The following TYK2 variants were observed in gnomAD, a reference collection of about 807,000 sequenced individuals.
TYK2 encodes tyrosine kinase 2.
A neutral mutation model predicts 130.9 loss-of-function variants in TYK2; 65 were observed. The observed-to-expected ratio is 0.50, with a 90% CI of 0.41 to 0.61. The LOEUF is 0.61. Ranked by LOEUF, TYK2 falls within the 20% of genes least tolerant of loss-of-function variation. The probability of loss-of-function intolerance (pLI) is 0.00; values close to 1 mark genes in which losing one functional copy is unlikely to be tolerated. For synonymous variants in TYK2, 647 were observed against 658.9 expected (o/e 0.98, Z 0.28); for missense variants, 1,378 against 1,610.7 (o/e 0.86, Z 2.47).
Position 10,361,957 on chromosome 19 carries a change from T to G in TYK2, c.1774-2A>C. The G allele has an allele frequency of 6.2e-7, 1 of 1,614,004 alleles. No individual in the cohort carries two copies. Among genetic ancestry groups the G allele is most frequent in the Non-Finnish European group, 8.5e-7 (1 of 1,179,992 alleles). ...TGTGCCCTGGCCCAAGTGGGACAGC[T>G]GCGGGATCATGTGGCACAGAATACC... On this transcript the variant is annotated splice_acceptor_variant, in intron 12 of 24. Transcript: ENST00000525621. LOFTEE classifies it high-confidence loss of function. This position sits in a 1 kb window ranked among gnomAD's most constrained non-coding sequence, Gnocchi z 4.0.
rs12720355 is a variant in TYK2 at position 10,361,776 on chromosome 19, G to A, written c.1953C>T (p.Ile651=). Reference sequence around the variant, plus strand: ...CCTGGCCCTGCCCACTCACCAGGGCGATGTCATGGTGACTAGGGTCCAGCA... The same window carrying A: ...CCTGGCCCTGCCCACTCACCAGGGCAATGTCATGGTGACTAGGGTCCAGCA... ...LKVLDPSHHD[I]ALAFYETASL... Residue 651 remains isoleucine, a synonymous_variant, in exon 13 of 25, where the codon ATC becomes ATT. Coordinates refer to ENST00000525621, the MANE Select transcript of TYK2 (RefSeq NM_003331.5). The surrounding 1 kb of genome is among the most constrained non-coding windows in gnomAD (Gnocchi z 4.0). 0.014 allele frequency: 21,912 copies of A among 1,612,786 alleles called. 179 individuals carry two copies. Among genetic ancestry groups the A allele is most frequent in the Non-Finnish European group, 0.016 (19,143 of 1,179,766 alleles).
chr19:10,362,729 C>T (rs1599346355), intron 9 of TYK2, 72 bp from the exon 10 acceptor site: 1 of 1,299,084 alleles, frequency 7.7e-7, no homozygotes, highest in East Asian at 2.5e-5. Context: ...AACAATGACA[C>T]TCATTACCTA....
rs564063519 is a variant in TYK2, at chr19:10,364,036, G to A, written c.1367+578C>T. ...ATGACATAAGTACCGACAACTTCAC[G>A]CCCTCAGGCCCACAAGTCACACACA... On this transcript the variant is annotated intron_variant, in intron 9 of 24. Coordinates refer to ENST00000525621, the MANE Select transcript of TYK2 (RefSeq NM_003331.5). The surrounding 1 kb of genome is among the most constrained non-coding windows in gnomAD (Gnocchi z 4.9). Among the ~76,000 whole-genome samples, 14 of 152,270 alleles carry A rather than the reference G, an allele frequency of 9.2e-5. No individual in the cohort carries two copies. Among genetic ancestry groups the A allele is most frequent in the African/African-American group, 3.4e-4 (14 of 41,562 alleles).
In TYK2 at chr19:10,377,890, ATGGG is replaced by A. The variant is rs200907833; in HGVS notation, c.193+320_193+323del. On this transcript the variant is annotated intron_variant, in intron 3 of 24. Coordinates refer to ENST00000525621, the MANE Select transcript of TYK2 (RefSeq NM_003331.5). ...GGTGGATGGATGCGTGGGTGGATGG[ATGGG>A]TGGGTGGGTGGGTGGATGAATGGGT... 7.1e-3 allele frequency among the ~76,000 whole-genome samples: 102 copies of A among 14,340 alleles called. 5 individuals are homozygous for A. The highest frequency in any genetic ancestry group is 0.032 in the African/African-American group (96 of 3,002). 9.4% of individuals were successfully genotyped at this position (14,340 alleles called of 152,430 possible).
Position 10,361,687 on chromosome 19 carries a change from T to TC in TYK2, c.1959+82dup. 1 of 1,390,758 alleles carries TC rather than the reference T, an allele frequency of 7.2e-7. No homozygotes were observed. The highest frequency in any genetic ancestry group is 9.9e-7 in the Non-Finnish European group (1 of 1,008,364). 86.2% of individuals were successfully genotyped at this position (1,390,758 alleles called of 1,614,324 possible). A position where few individuals can be genotyped will look rare whatever the true frequency, so the allele number is the denominator to read the frequency against. On this transcript the variant is annotated intron_variant, in intron 13 of 24. Transcript: ENST00000525621. This position sits in a 1 kb window ranked among gnomAD's most constrained non-coding sequence, Gnocchi z 4.0. ...GACACACCCCTCCCATCCCACCTCCTCCACAGACACACCCCTCCCATCCCA... is the reference window on the plus strand; with the variant it reads ...GACACACCCCTCCCATCCCACCTCCTCCCACAGACACACCCCTCCCATCCCA...
In TYK2 at chr19:10,364,821, C is replaced by T. The variant is rs770338809; in HGVS notation, c.1209+30G>A. On this transcript the variant is annotated intron_variant, in intron 8 of 24. Transcript: ENST00000525621. This position sits in a 1 kb window ranked among gnomAD's most constrained non-coding sequence, Gnocchi z 4.9. ...GGGTGTCCTCCCAGGCCATGATGGG[C>T]CCTAGCCCAGCCCCTACCCTGGGCC... 5 of 1,613,824 alleles carry T rather than the reference C, an allele frequency of 3.1e-6. No individual in the cohort carries two copies. The East Asian group carries it at 6.7e-5, about 22-fold the overall frequency.
chr19:10,360,177 G>A (rs533579737), intron 14 of TYK2, among the ~76,000 whole-genome samples: 26 of 151,374 alleles, frequency 1.7e-4, no homozygotes, highest in African/African-American at 2.9e-4. Flanking sequence ...GTGAGACTCC[G>A]TCTCAAAAAA....
In TYK2 at chr19:10,364,478, C is replaced by A. The variant is rs187190655; in HGVS notation, c.1367+136G>T. 17 of 992,228 alleles carry A rather than the reference C, an allele frequency of 1.7e-5. No homozygotes were observed. In the East Asian group the frequency reaches 4.0e-4, roughly 23 times the overall value. 61.5% of individuals were successfully genotyped at this position (992,228 alleles called of 1,614,324 possible). A position where few individuals can be genotyped will look rare whatever the true frequency, so the allele number is the denominator to read the frequency against. On this transcript the variant is annotated intron_variant, in intron 9 of 24. Transcript: ENST00000525621. The surrounding 1 kb of genome is among the most constrained non-coding windows in gnomAD (Gnocchi z 4.9). ...GCAGTGAGCTGAGATCATGCCACTG[C>A]ACTCCAGTTTGGGCGACAAAAAATA...
rs2040762782 is a variant in TYK2 at position 10,350,845 on chromosome 19, T to A, written c.3553A>T (p.Ser1185Cys). ...GCTGCCATTGTGCCTCAGCACACGC[T>A]GAACACTGAAGGGGCCTGGCCTTGG... ...KYQGQAPSVF[S>C]VC Residue 1185 changes from serine to cysteine, a missense_variant, in exon 25 of 25, where the codon AGC (serine) becomes TGC (cysteine). Coordinates refer to ENST00000525621, the MANE Select transcript of TYK2 (RefSeq NM_003331.5). The A allele has an allele frequency of 6.2e-7, 1 of 1,613,498 alleles. No homozygotes were observed. The highest frequency in any genetic ancestry group is 8.5e-7 in the Non-Finnish European group (1 of 1,180,040).
chr19:10,371,805 A>G (rs1194612818), intron 3 of TYK2, among the ~76,000 whole-genome samples: 3 of 152,142 alleles, frequency 2.0e-5, no homozygotes, highest in Non-Finnish European at 2.9e-5. Flanking sequence ...ATTCAACCAG[A>G]TTGCAATTTA....
At chr19:10,365,959 C>T in intron 6 of TYK2, 61 bp from the exon 7 acceptor site, 2 of 1,520,524 alleles carry the variant, frequency 1.3e-6, no homozygotes, top group East Asian at 4.7e-5. Flanking sequence ...AGCTGGGTGA[C>T]ACAGGGCAAG....
chr19:10,371,078 G>A lies in TYK2; in HGVS notation c.194-2660C>T, dbSNP rs561266463. 2.0e-5 allele frequency among the ~76,000 whole-genome samples: 3 copies of A among 152,050 alleles called. No individual in the cohort carries two copies. In the South Asian group the frequency reaches 6.2e-4, roughly 32 times the overall value. ...CTTACTGGGCTAAAGCAATCCTCCTGCCTCAGCCTCCCAAGGAGCTGGGAC... is the reference window on the plus strand; with the variant it reads ...CTTACTGGGCTAAAGCAATCCTCCTACCTCAGCCTCCCAAGGAGCTGGGAC... On this transcript the variant is annotated intron_variant, in intron 3 of 24. Transcript: ENST00000525621.
chr19:10,362,801 A>T, intron 9 of TYK2, 144 bp from the exon 10 acceptor site: 1 of 691,372 alleles, frequency 1.4e-6, no homozygotes, highest in Non-Finnish European at 2.5e-6. Context: ...TGGGGACACT[A>T]ACTCTGGACA....
intron 17 of TYK2, chr19:10,356,949 G>A: frequency 1.7e-6 from 1 of 583,186 alleles, no homozygotes; most frequent in Admixed American, 2.9e-5. Context: ...GTCACAGTCA[G>A]CCTCCTGCCC....
rs1224543473 is a variant in TYK2 at position 10,351,112 on chromosome 19, T to C, written c.3369A>G (p.Arg1123=). 6.2e-7 allele frequency: 1 copy of C among 1,613,956 alleles called. No homozygotes were observed. Among genetic ancestry groups the C allele is most frequent in the Admixed American group, 1.7e-5 (1 of 59,960 alleles). Residue 1123 remains arginine (R), a synonymous_variant, in exon 24 of 25, where the codon AGA becomes AGG. Coordinates refer to ENST00000525621, the MANE Select transcript of TYK2 (RefSeq NM_003331.5). The part of the protein sequence containing the change: ...GIAQGQMTVL[R]LTELLERGER... ...CCCCTCGTTCCAGCAACTCAGTGAG[T>C]CTCAGAACTGTCATCTGACCCTGAG...
At chr19:10,369,735 T>C (rs1392214310) in intron 3 of TYK2, 1 of 454,018 alleles carries the variant, frequency 2.2e-6, no homozygotes, top group African/African-American at 2.0e-5. Context: ...TTTCTTCTAC[T>C]GATGTCATTT....
chr19:10,378,759 T>C (rs1262485373), intron 2 of TYK2, among the ~76,000 whole-genome samples: 1 of 152,178 alleles, frequency 6.6e-6, no homozygotes, highest in Non-Finnish European at 1.5e-5. Context: ...GGCAAGAGGA[T>C]TGCTTGAGCC....
chr19:10,355,659 GAAAGA>G (rs2041060898), intron 18 of TYK2, among the ~76,000 whole-genome samples: 1 of 139,956 alleles, frequency 7.1e-6, no homozygotes, highest in African/African-American at 2.7e-5. Flanking sequence ...AAAAAAGAAA[GAAAGA>G]AAAAAAAAAA....
intron 3 of TYK2, among the ~76,000 whole-genome samples, chr19:10,374,629 T>C (rs1222481259): frequency 7.0e-6 from 1 of 143,226 alleles, no homozygotes; most frequent in Admixed American, 7.1e-5. Flanking sequence ...GGCTCACACC[T>C]GTCATCCCAG....
Sources: allele counts gnomAD v4.1 joint callset (sites outside exome capture counted in the v4.1 genomes callset), GRCh38; gene constraint gnomAD v4.1.1; non-coding constraint Gnocchi (gnomAD v3.1); transcripts MANE v1.5; gene names NCBI Gene and HGNC (gene_info 2026-07-23, HGNC 2026-07-21).